Variants in MARCHF3 observed in about 807,000 individuals in gnomAD.
The protein encoded by MARCHF3 is membrane associated ring-CH-type finger 3, also known as E3 ubiquitin-protein ligase MARCHF3.
MARCHF3 carries 13 observed loss-of-function variants against 24.2 expected under a neutral mutation model. That is an observed-to-expected ratio of 0.54 (90% CI 0.35 to 0.85). The LOEUF is 0.85. Among genes scored for constraint, MARCHF3 ranks in the 40% least tolerant of loss-of-function variants. MARCHF3 has a pLI of 0.01. For missense variants in MARCHF3, 276 were observed against 325.0 expected, an observed-to-expected ratio of 0.85 and a Z score of 1.16; for synonymous variants, 144 against 137.3, an observed-to-expected ratio of 1.05 and a Z score of -0.34.
intron 3 of MARCHF3, among the ~76,000 whole-genome samples, chr5:126,894,828 C>G (rs2126778351): frequency 1.3e-5 from 2 of 151,944 alleles, no homozygotes; most frequent in South Asian, 4.2e-4. Context: ...GTGGCGTTCT[C>G]TGTATTTCCT....
chr5:126,907,462 T>G (rs567973974), intron 3 of MARCHF3, among the ~76,000 whole-genome samples: 274 of 150,370 alleles, frequency 1.8e-3, no homozygotes, highest in African/African-American at 6.5e-3. Context: ...TAAGTCTCTT[T>G]GTAGGTCACT....
At chr5:126,979,948 C>CAAAAAAAA (rs757849978) in intron 1 of MARCHF3, among the ~76,000 whole-genome samples, 12 of 44,910 alleles carry the variant, frequency 2.7e-4, no homozygotes, top group Non-Finnish European at 3.4e-4. Flanking sequence ...AACTCCATCT[C>CAAAAAAAA]AAAAAAAAAA....
chr5:126,981,215 G>A (rs1751382790), intron 1 of MARCHF3, among the ~76,000 whole-genome samples: 1 of 152,208 alleles, frequency 6.6e-6, no homozygotes. Flanking sequence ...GGCATCTCTG[G>A]ATAGTCACTG....
At chr5:126,983,782 G>A (rs1751472362) in intron 1 of MARCHF3, among the ~76,000 whole-genome samples, 1 of 152,188 alleles carries the variant, frequency 6.6e-6, no homozygotes, top group African/African-American at 2.4e-5. Context: ...GGTTCTCTCA[G>A]AAGAGGCCTA....
intron 1 of MARCHF3, among the ~76,000 whole-genome samples, chr5:126,931,105 G>C (rs1327697608): frequency 1.3e-5 from 2 of 152,182 alleles, no homozygotes; most frequent in Non-Finnish European, 2.9e-5. Context: ...ATGTAGGGGT[G>C]GACTCTGAGG....
In MARCHF3 at chr5:127,028,727, AC is replaced by A. The variant is rs1402791485; in HGVS notation, c.-57+1622del. 2.6e-5 allele frequency among the ~76,000 whole-genome samples: 4 copies of A among 152,132 alleles called. No individual in the cohort carries two copies. The East Asian group carries it at 7.7e-4, about 29-fold the overall frequency. On this transcript the variant is annotated intron_variant, in intron 1 of 4. Transcript: ENST00000308660. The stretch of plus-strand genomic sequence containing the variant: ...CTGGAGGGATTTTTTTTTCTCTCCT[AC>A]AAGCTCCCCCTCCCCAAGCCGTGGC...
At chr5:126,899,948 AGAGTT>A (rs1754051431) in intron 3 of MARCHF3, among the ~76,000 whole-genome samples, 1 of 152,040 alleles carries the variant, frequency 6.6e-6, no homozygotes, top group South Asian at 2.1e-4. Context: ...GCCTTACATT[AGAGTT>A]AACTCTTGTG....
At position 127,004,772 on chromosome 5, in the gene MARCHF3, AAAAC is replaced by A. The variant is rs1379889468; in HGVS notation, c.-57+25574_-57+25577del. 2.6e-5 allele frequency among the ~76,000 whole-genome samples: 4 copies of A among 152,158 alleles called. No individual in the cohort carries two copies. The East Asian group carries it at 5.8e-4, about 22-fold the overall frequency. ...TAGTACATGAAGGAAACAGAGCTGCAAAACCCCAGTGAAGAGTGCCTTCATTGGT... is the reference window on the plus strand; with the variant it reads ...TAGTACATGAAGGAAACAGAGCTGCACCCAGTGAAGAGTGCCTTCATTGGT... On this transcript the variant is annotated intron_variant, in intron 1 of 4. Transcript: ENST00000308660.
chr5:126,914,816 A>G (rs1754664309), intron 3 of MARCHF3, 114 bp downstream of exon 3: 3 of 920,370 alleles, frequency 3.3e-6, no homozygotes, highest in Non-Finnish European at 5.1e-6. Flanking sequence ...ACACACAGTC[A>G]CATAGCTATT....
Position 126,918,028 on chromosome 5 carries a change from G to A in MARCHF3, c.144C>T (p.Asp48=), listed in dbSNP as rs181902283. 1,274 of 1,614,102 alleles carry A rather than the reference G, an allele frequency of 7.9e-4. 11 individuals are homozygous for A. Among genetic ancestry groups the A allele is most frequent in the East Asian group, 5.2e-3 (233 of 44,880 alleles). Residue 48 remains aspartate (D), a synonymous_variant, in exon 2 of 5, where the codon GAC becomes GAT. Transcript: ENST00000308660. ...GCACTACTGTTGACAGCAGCTGCCC[G>A]TCCTTGGCTGAAACTTGCATGACAT... ...PQYVMQVSAK[D]GQLLSTVVRT... is the part of the protein sequence containing the mutation.
At chr5:126,916,568 G>A (rs568807491) in intron 2 of MARCHF3, among the ~76,000 whole-genome samples, 8 of 151,686 alleles carry the variant, frequency 5.3e-5, no homozygotes, top group Admixed American at 3.3e-4. Context: ...AAGCTGACAA[G>A]TTTTTTTTTA....
intron 3 of MARCHF3, among the ~76,000 whole-genome samples, chr5:126,890,588 T>C (rs531391921): frequency 1.3e-5 from 2 of 152,174 alleles, no homozygotes; most frequent in Admixed American, 6.5e-5. Context: ...TTTTCCAGTT[T>C]CATCCATGTC....
chr5:126,988,076 A>C (rs1751629299), intron 1 of MARCHF3, among the ~76,000 whole-genome samples: 2 of 152,200 alleles, frequency 1.3e-5, no homozygotes, highest in Non-Finnish European at 2.9e-5. Context: ...AAGAACTAGG[A>C]GGGCCAGATT....
intron 1 of MARCHF3, among the ~76,000 whole-genome samples, chr5:126,970,155 T>C (rs1750957125): frequency 6.6e-6 from 1 of 151,980 alleles, no homozygotes; most frequent in South Asian, 2.1e-4. Flanking sequence ...TGGGGCAATA[T>C]GAGCTCACTG....
chr5:126,968,685 C>T (rs746458727), intron 1 of MARCHF3, among the ~76,000 whole-genome samples: 4 of 152,270 alleles, frequency 2.6e-5, no homozygotes, highest in South Asian at 2.1e-4. Flanking sequence ...AAGTGATTCT[C>T]GTGTGTAGTC....
chr5:127,003,347 G>A (rs1370304783), intron 1 of MARCHF3, among the ~76,000 whole-genome samples: 1 of 150,498 alleles, frequency 6.6e-6, no homozygotes, highest in African/African-American at 2.4e-5. Context: ...GGCGCCTGTA[G>A]TCCCAGCTAC....
rs1451861626 is a variant in MARCHF3 at position 126,870,809 on chromosome 5, AAAGT to A, written c.604-22_604-19del. The A allele has an allele frequency of 8.7e-6, 14 of 1,612,674 alleles. No homozygotes were observed. The highest frequency in any genetic ancestry group is 1.1e-5 in the Non-Finnish European group (13 of 1,179,016). ...AATGACACCTGGGGATGGGAGAGGA[AAAGT>A]AAGAGAAAAGAATTCAGGTCAGCAG... On this transcript the variant is annotated intron_variant, in intron 4 of 4. Coordinates refer to ENST00000308660, the MANE Select transcript of MARCHF3 (RefSeq NM_178450.5).
intron 1 of MARCHF3, among the ~76,000 whole-genome samples, chr5:127,019,088 A>G (rs1439388671): frequency 6.6e-6 from 1 of 152,244 alleles, no homozygotes; most frequent in Non-Finnish European, 1.5e-5. Flanking sequence ...AAAAGATCAT[A>G]CACTTATTTA....
At chr5:126,971,630 C>A (rs927903324) in intron 1 of MARCHF3, among the ~76,000 whole-genome samples, 1 of 152,150 alleles carries the variant, frequency 6.6e-6, no homozygotes, top group African/African-American at 2.4e-5. Context: ...GCAGCTCTTA[C>A]ACTGCTCCCA....
Sources: gnomAD v4.1 joint callset for allele counts (sites outside exome capture counted in the v4.1 genomes callset) on GRCh38, gnomAD v4.1.1 for gene constraint, MANE v1.5 for transcripts, NCBI Gene and HGNC (gene_info 2026-07-23, HGNC 2026-07-21) for gene names.